DCC: variants seen among roughly 807,000 people sequenced by gnomAD.
DCC encodes the protein netrin receptor DCC.
Under a neutral mutation model 172.5 loss-of-function variants are expected in DCC, and 58 were observed. That is an observed-to-expected ratio of 0.34 (90% confidence interval 0.27 to 0.42). The LOEUF (loss-of-function observed/expected upper bound fraction) is 0.42, where lower values mean the gene tolerates loss of function less well. Among genes scored for constraint, DCC ranks in the 10% least tolerant of loss-of-function variants. The probability of loss-of-function intolerance (pLI) is 1.00; values close to 1 mark genes in which losing one functional copy is unlikely to be tolerated. For synonymous variants in DCC, 709 were observed against 644.5 expected, an observed-to-expected ratio of 1.10 and a Z score of -1.52; for missense variants, 1,740 against 1,791.0, an observed-to-expected ratio of 0.97 and a Z score of 0.51.
At chr18:53,494,158 G>T (rs2045991633) in intron 26 of DCC, among the ~76,000 whole-genome samples, 1 of 152,176 alleles carries the variant, frequency 6.6e-6, no homozygotes, top group African/African-American at 2.4e-5. Context: ...TCATAATCTT[G>T]AGTTCTAATT....
intron 7 of DCC, among the ~76,000 whole-genome samples, chr18:53,071,022 T>C (rs1379397162): frequency 3.3e-5 from 5 of 152,164 alleles, no homozygotes; most frequent in East Asian, 1.9e-4. Context: ...TTGAAGTACA[T>C]TGTGGGCGTG....
At chr18:53,377,304 G>A (rs990623534) in intron 15 of DCC, among the ~76,000 whole-genome samples, 1 of 151,034 alleles carries the variant, frequency 6.6e-6, no homozygotes, top group Admixed American at 6.6e-5. Context: ...GGGACTTCTT[G>A]CTACATTATC....
chr18:52,935,537 T>C (rs2040369005), intron 5 of DCC, among the ~76,000 whole-genome samples: 1 of 152,270 alleles, frequency 6.6e-6, no homozygotes, highest in East Asian at 1.9e-4. Context: ...ACTTCAAAAT[T>C]GATATGGCTT....
intron 1 of DCC, among the ~76,000 whole-genome samples, chr18:52,634,809 G>A (rs1460099916): frequency 6.6e-6 from 1 of 152,010 alleles, no homozygotes; most frequent in Non-Finnish European, 1.5e-5. Flanking sequence ...CATCTCTGAG[G>A]TGCAGAGGTC....
At chr18:53,189,987 C>G (rs893420353) in intron 9 of DCC, among the ~76,000 whole-genome samples, 8 of 152,182 alleles carry the variant, frequency 5.3e-5, no homozygotes, top group Admixed American at 3.9e-4. Flanking sequence ...AGTGCAATGG[C>G]ACGATCCTGG....
chr18:53,025,369 G>A (rs2041941313), intron 5 of DCC, among the ~76,000 whole-genome samples: 1 of 152,136 alleles, frequency 6.6e-6, no homozygotes, highest in African/African-American at 2.4e-5. Context: ...TGATGTAGGA[G>A]TATACCTAAA....
chr18:52,972,443 G>A (rs2041044680), intron 5 of DCC, among the ~76,000 whole-genome samples: 1 of 151,420 alleles, frequency 6.6e-6, no homozygotes, highest in African/African-American at 2.4e-5. Context: ...TCAGGAATTA[G>A]ATGTGTTAAC....
chr18:53,358,664 G>A (rs954423260), intron 15 of DCC, among the ~76,000 whole-genome samples: 2 of 150,642 alleles, frequency 1.3e-5, no homozygotes, highest in Middle Eastern at 3.4e-3. Flanking sequence ...GGGATTACAG[G>A]TGCCTGCCAC....
intron 7 of DCC, among the ~76,000 whole-genome samples, chr18:53,099,496 T>C (rs1160520372): frequency 6.6e-6 from 1 of 152,176 alleles, no homozygotes; most frequent in Non-Finnish European, 1.5e-5. Flanking sequence ...GTTTCAATTC[T>C]GCCGTTGCTA....
At chr18:52,985,020 C>CGAAATTATTAT (rs2041269783) in intron 5 of DCC, among the ~76,000 whole-genome samples, 2 of 152,140 alleles carry the variant, frequency 1.3e-5, no homozygotes, top group East Asian at 3.9e-4. Context: ...ACTTAATGTC[C>CGAAATTATTAT]TATTATTAAA....
chr18:52,436,514 C>T (rs9304422), intron 1 of DCC, among the ~76,000 whole-genome samples: 43,330 of 152,078 alleles, frequency 0.28, 7,955 homozygotes, highest in African/African-American at 0.52. Flanking sequence ...CTCACTATCT[C>T]GGACCTACCA....
At chr18:52,430,015 G>T (rs1987568822) in intron 1 of DCC, among the ~76,000 whole-genome samples, 1 of 152,086 alleles carries the variant, frequency 6.6e-6, no homozygotes, top group Admixed American at 6.6e-5. Context: ...AAGCTGTACA[G>T]AGCATAAAGC....
At chr18:52,515,924 AATGG>A in intron 1 of DCC, among the ~76,000 whole-genome samples, 1 of 118,730 alleles carries the variant, frequency 8.4e-6, no homozygotes, top group Non-Finnish European at 2.0e-5. Flanking sequence ...CCAGTTAGAA[AATGG>A]AAAAAAAAAA....
intron 12 of DCC, among the ~76,000 whole-genome samples, chr18:53,273,138 T>G (rs2056766824): frequency 6.6e-6 from 1 of 152,172 alleles, no homozygotes. Flanking sequence ...ACAGAGTTGT[T>G]GTGAATTAAA....
At chr18:52,790,951 G>A (rs1235450245) in intron 2 of DCC, among the ~76,000 whole-genome samples, 1 of 152,202 alleles carries the variant, frequency 6.6e-6, no homozygotes, top group African/African-American at 2.4e-5. Flanking sequence ...CCTGCAATGA[G>A]AATGGAAGTT....
chr18:53,405,774 T>C (rs1909618357), intron 19 of DCC, among the ~76,000 whole-genome samples: 1 of 152,226 alleles, frequency 6.6e-6, no homozygotes, highest in Admixed American at 6.5e-5. Flanking sequence ...TTTAGTATGA[T>C]ATAAATGATT....
intron 27 of DCC, among the ~76,000 whole-genome samples, chr18:53,518,890 A>G (rs542329217): frequency 6.6e-6 from 1 of 152,274 alleles, no homozygotes; most frequent in South Asian, 2.1e-4. Flanking sequence ...TTTTTAGAGT[A>G]TCTGTTTGAA....
At chr18:53,470,761 T>C (rs2045685976) in intron 25 of DCC, among the ~76,000 whole-genome samples, 1 of 152,004 alleles carries the variant, frequency 6.6e-6, no homozygotes, top group South Asian at 2.1e-4. Context: ...AAGAGCCCCA[T>C]ATAAAACCAC....
At chr18:53,502,478 A>T (rs2046113970) in intron 27 of DCC, among the ~76,000 whole-genome samples, 1 of 152,212 alleles carries the variant, frequency 6.6e-6, no homozygotes, top group South Asian at 2.1e-4. Context: ...AGACTGACAA[A>T]TGTATTAGCT....
Sources: allele counts gnomAD v4.1 joint callset (sites outside exome capture counted in the v4.1 genomes callset), GRCh38; gene constraint gnomAD v4.1.1; transcripts MANE v1.5; gene names NCBI Gene and HGNC (gene_info 2026-07-23, HGNC 2026-07-21).